The following TNS4 variants were observed in gnomAD, a reference collection of about 807,000 sequenced individuals.
TNS4 encodes the protein tensin 4, also known as tensin-4.
A neutral mutation model predicts 70.4 loss-of-function variants in TNS4; 46 were observed. That is an observed-to-expected ratio of 0.65 (90% CI 0.52 to 0.84). The LOEUF (loss-of-function observed/expected upper bound fraction) is 0.84, where lower values mean the gene tolerates loss of function less well. Among genes scored for constraint, TNS4 ranks in the 40% least tolerant of loss-of-function variants. The probability of loss-of-function intolerance (pLI) is 0.00; values close to 1 mark genes in which losing one functional copy is unlikely to be tolerated. For missense variants in TNS4, 863 were observed against 907.0 expected, an observed-to-expected ratio of 0.95 and a Z score of 0.62; for synonymous variants, 390 against 366.6, an observed-to-expected ratio of 1.06 and a Z score of -0.73.
chr17:40,482,181 C>T lies in TNS4; in HGVS notation c.1620G>A (p.Gln540=). The T allele has an allele frequency of 6.2e-7, 1 of 1,614,234 alleles. No homozygotes were observed. The highest frequency in any genetic ancestry group is 1.7e-5 in the Admixed American group (1 of 60,030). ...GCAGGGCCAGGGCCATGATGGAATGCTGGCACACGAAGGCAGAGAGGCTCC... is the reference window on the plus strand; with the variant it reads ...GCAGGGCCAGGGCCATGATGGAATGTTGGCACACGAAGGCAGAGAGGCTCC... ...YFGSLSAFVC[Q]HSIMALALPC... is the part of the protein sequence containing the mutation. The change falls in exon 8 of 13, where the codon CAG becomes CAA. Residue 540 remains glutamine, a synonymous_variant. Coordinates refer to ENST00000254051, the MANE Select transcript of TNS4 (RefSeq NM_032865.6).
chr17:40,477,650 G>A lies in TNS4; in HGVS notation c.2086C>T (p.Gln696Ter). The change falls in exon 13 of 13, where the codon CAG becomes TAG. Residue 696 changes from glutamine (Q) to a stop codon, truncating the protein, a stop_gained. Transcript: ENST00000254051. LOFTEE classifies it high-confidence loss of function. ...AGGCCGATGACCTGCGAGGCTGGCTGGACCATGTCATACTCCGCAAAGAGG... is the reference window on the plus strand; with the variant it reads ...AGGCCGATGACCTGCGAGGCTGGCTAGACCATGTCATACTCCGCAAAGAGG... ...CHLFAEYDMV[Q>*]PASQVIGLVT... The A allele has an allele frequency of 6.2e-7, 1 of 1,614,158 alleles. No individual in the cohort carries two copies.
At chr17:40,487,657 T>C (rs1330382757) in intron 3 of TNS4, among the ~76,000 whole-genome samples, 197 bp from the exon 4 acceptor site, 1 of 152,176 alleles carries the variant, frequency 6.6e-6, no homozygotes, top group Non-Finnish European at 1.5e-5. Context: ...AGAAATGTCC[T>C]TGGATGGTAG....
chr17:40,492,574 G>A (rs1476888084), intron 2 of TNS4, among the ~76,000 whole-genome samples: 2 of 149,496 alleles, frequency 1.3e-5, no homozygotes, highest in Admixed American at 6.7e-5. Context: ...CGCCATGTTG[G>A]CCAGGCTGGT....
rs1457496985 is a variant in TNS4 at position 40,476,154 on chromosome 17, C to T, written c.*1434G>A. On this transcript the variant is annotated 3_prime_UTR_variant, in exon 13 of 13. Transcript: ENST00000254051. ...AGAGTGGGTTTCTTCCCTGACCCTC[C>T]CTTCCACCCCGGTAGGGTGGTTTCC... 6.6e-6 allele frequency: 1 copy of T among 150,644 alleles called. No individual in the cohort carries two copies. The highest frequency in any genetic ancestry group is 1.5e-5 in the Non-Finnish European group (1 of 67,844). 9.3% of individuals were successfully genotyped at this position (150,644 alleles called of 1,614,324 possible). A position where few individuals can be genotyped will look rare whatever the true frequency, so the allele number is the denominator to read the frequency against.
chr17:40,489,533 C>T lies in TNS4; in HGVS notation c.440-564G>A, dbSNP rs565009108. On this transcript the variant is annotated intron_variant, in intron 2 of 12. Coordinates refer to ENST00000254051, the MANE Select transcript of TNS4 (RefSeq NM_032865.6). The stretch of plus-strand genomic sequence containing the variant: ...TGAAAGTGGTTTCTCTGAGGCTGGG[C>T]GCGGTGGCTCACACCTGGAATCCCA... Among the ~76,000 whole-genome samples, 62 of 152,168 alleles carry T rather than the reference C, an allele frequency of 4.1e-4. 1 individual carries two copies. The South Asian group carries it at 0.013, about 31-fold the overall frequency.
chr17:40,480,107 AG>A (rs1187657009), intron 9 of TNS4: 7 of 453,330 alleles, frequency 1.5e-5, no homozygotes, highest in African/African-American at 1.4e-4. Context: ...CTGTGTGTAG[AG>A]GTGCCCAGGA....
rs1261063717 is a variant in TNS4 at position 40,476,148 on chromosome 17, A to G, written c.*1440T>C. 1 of 131,942 alleles carries G rather than the reference A, an allele frequency of 7.6e-6. No homozygotes were observed. The highest frequency in any genetic ancestry group is 1.5e-5 in the Non-Finnish European group (1 of 64,814). The allele number at this position is 131,942 out of a possible 1,614,324, so 8.2% of individuals were successfully genotyped here. A position where few individuals can be genotyped will look rare whatever the true frequency, so the allele number is the denominator to read the frequency against. On this transcript the variant is annotated 3_prime_UTR_variant, in exon 13 of 13. Coordinates refer to ENST00000254051, the MANE Select transcript of TNS4 (RefSeq NM_032865.6). Reference sequence around the variant, plus strand: ...AGAGCAAGAGTGGGTTTCTTCCCTGACCCTCCCTTCCACCCCGGTAGGGTG... The same window carrying G: ...AGAGCAAGAGTGGGTTTCTTCCCTGGCCCTCCCTTCCACCCCGGTAGGGTG...
chr17:40,486,838 G>A (rs2035995164), intron 4 of TNS4, among the ~76,000 whole-genome samples, 198 bp downstream of exon 4: 1 of 152,082 alleles, frequency 6.6e-6, no homozygotes, highest in Admixed American at 6.6e-5. Context: ...TTACCTCCGC[G>A]TTTATCCTAC....
chr17:40,482,579 A>G (rs1192524309), intron 6 of TNS4, among the ~76,000 whole-genome samples, 163 bp from the exon 7 acceptor site: 1 of 134,770 alleles, frequency 7.4e-6, no homozygotes, highest in Non-Finnish European at 1.6e-5. Flanking sequence ...CCCTATCTCT[A>G]CTAAAGACAC....
At chr17:40,489,536 G>A (rs143894753) in intron 2 of TNS4, among the ~76,000 whole-genome samples, 70 of 152,198 alleles carry the variant, frequency 4.6e-4, no homozygotes, top group Middle Eastern at 6.8e-3. Flanking sequence ...GGCTGGGCGC[G>A]GTGGCTCACA....
At chr17:40,484,714 C>T (rs2035969579) in intron 5 of TNS4, 105 bp from the exon 6 acceptor site, 2 of 1,531,986 alleles carry the variant, frequency 1.3e-6, no homozygotes, top group South Asian at 2.4e-5. Flanking sequence ...CACCTTTTGT[C>T]CCCAGGAAGT....
chr17:40,498,986 A>G (rs963737839), intron 1 of TNS4, among the ~76,000 whole-genome samples: 5 of 152,182 alleles, frequency 3.3e-5, no homozygotes, highest in African/African-American at 4.8e-5. Flanking sequence ...TGGAATCTTA[A>G]TTCCTTATGC....
rs940366163 is a variant in TNS4 at position 40,477,985 on chromosome 17, C to T, written c.2007-256G>A. On this transcript the variant is annotated intron_variant, in intron 12 of 12. Coordinates refer to ENST00000254051, the MANE Select transcript of TNS4 (RefSeq NM_032865.6). ...GGGCTCCTTGAGGACAGGACCTGTG[C>T]ATTCCCCATTAGAGTGGAAGCTCCC... 40 of 600,136 alleles carry T rather than the reference C, an allele frequency of 6.7e-5. No homozygotes were observed. In the Middle Eastern group the frequency reaches 2.7e-3, roughly 40 times the overall value. The allele number at this position is 600,136 out of a possible 1,614,324, so 37.2% of individuals were successfully genotyped here. A position where few individuals can be genotyped will look rare whatever the true frequency, so the allele number is the denominator to read the frequency against.
At position 40,477,645 on chromosome 17, in the gene TNS4, T is replaced by A; in HGVS notation, c.2091A>T (p.Pro697=). The change falls in exon 13 of 13, where the codon CCA becomes CCT. Residue 697 remains proline (P), a synonymous_variant. Transcript: ENST00000254051. ...TCACCAGGCCGATGACCTGCGAGGC[T>A]GGCTGGACCATGTCATACTCCGCAA... ...HLFAEYDMVQ[P]ASQVIGLVTA... 23 of 1,614,188 alleles carry A rather than the reference T, an allele frequency of 1.4e-5. No individual in the cohort carries two copies. Among genetic ancestry groups the A allele is most frequent in the Non-Finnish European group, 1.9e-5 (23 of 1,180,026 alleles).
At chr17:40,481,762 G>C (rs1247032688) in intron 8 of TNS4, among the ~76,000 whole-genome samples, 1 of 152,252 alleles carries the variant, frequency 6.6e-6, no homozygotes, top group Non-Finnish European at 1.5e-5. Flanking sequence ...CTCAACAAAT[G>C]CTGGACCTGG....
chr17:40,484,819 A>G, intron 5 of TNS4, 102 bp downstream of exon 5: 3 of 1,454,088 alleles, frequency 2.1e-6, no homozygotes, highest in Non-Finnish European at 2.9e-6. Context: ...CCCGCTTCCC[A>G]GGACCCACTA....
rs2035866228 is a variant in TNS4 at position 40,477,691 on chromosome 17, T to C, written c.2045A>G (p.Gln682Arg). The C allele has an allele frequency of 6.2e-7, 1 of 1,613,422 alleles. No individual in the cohort carries two copies. The highest frequency in any genetic ancestry group is 8.5e-7 in the Non-Finnish European group (1 of 1,179,950). Residue 682 changes from glutamine (Q) to arginine (R), a missense_variant, in exon 13 of 13, where the codon CAG becomes CGG. Transcript: ENST00000254051. ...GFVAKSQTEP[Q>R]ENVCHLFAEY... is the part of the protein sequence containing the mutation. The stretch of plus-strand genomic sequence containing the variant: ...CGCAAAGAGGTGGCATACGTTCTCC[T>C]GAGGCTCTGTCTGGCTCTTGGCCAC...
chr17:40,489,655 A>G (rs2036040629), intron 2 of TNS4, among the ~76,000 whole-genome samples: 1 of 151,966 alleles, frequency 6.6e-6, no homozygotes, highest in African/African-American at 2.4e-5. Context: ...AAAAATACAA[A>G]AATTAGCCGG....
intron 1 of TNS4, among the ~76,000 whole-genome samples, chr17:40,499,214 G>T (rs1005305751): frequency 5.9e-5 from 9 of 152,254 alleles, no homozygotes; most frequent in Non-Finnish European, 8.8e-5. Context: ...TCCCTTTCCT[G>T]TTTTGTTCCC....
Sources: allele counts gnomAD v4.1 joint callset (sites outside exome capture counted in the v4.1 genomes callset), GRCh38; gene constraint gnomAD v4.1.1; transcripts MANE v1.5; gene names NCBI Gene and HGNC (gene_info 2026-07-23, HGNC 2026-07-21).